TENM3: variants seen among roughly 807,000 people sequenced by gnomAD.
The protein encoded by TENM3 is teneurin-3.
Under a neutral mutation model 255.1 loss-of-function variants are expected in TENM3, and 63 were observed. That is an observed-to-expected ratio of 0.25 (90% CI 0.20 to 0.30). The LOEUF is 0.30. TENM3 is among the 10% of genes least tolerant of loss of function. The pLI is 1.00. For missense variants in TENM3, 2,929 were observed against 3,461.1 expected, an observed-to-expected ratio of 0.85 and a Z score of 3.86; for synonymous variants, 1,306 against 1,322.3, an observed-to-expected ratio of 0.99 and a Z score of 0.27.
At chr4:181,667,161 A>C in the TENM3 span, among the ~76,000 whole-genome samples, 1 of 152,132 alleles carries the variant, frequency 6.6e-6, no homozygotes, top group African/African-American at 2.4e-5. Context: ...AAGTCCCACT[A>C]CACAAAATGC....
intron 3 of TENM3, among the ~76,000 whole-genome samples, chr4:182,442,440 C>T (rs911168833): frequency 6.6e-6 from 1 of 152,164 alleles, no homozygotes; most frequent in African/African-American, 2.4e-5. Flanking sequence ...CGGCTATTGC[C>T]ACTATAGACA....
the TENM3 span, among the ~76,000 whole-genome samples, chr4:181,557,993 T>C: frequency 6.6e-6 from 1 of 152,254 alleles, no homozygotes; most frequent in Non-Finnish European, 1.5e-5. Context: ...TGATTGCTGA[T>C]GCCAAAGTAT....
intron 7 of TENM3, among the ~76,000 whole-genome samples, chr4:182,678,500 G>A (rs890217752): frequency 7.2e-5 from 11 of 152,158 alleles, no homozygotes; most frequent in African/African-American, 2.7e-4. Flanking sequence ...CGTTCTCCAT[G>A]GTGCTTGAGA....
intron 8 of TENM3, 149 bp downstream of exon 8, chr4:182,680,025 G>A (rs1379276556): frequency 1.3e-6 from 1 of 791,690 alleles, no homozygotes; most frequent in Non-Finnish European, 2.0e-6. Flanking sequence ...CCTTTATTTG[G>A]GAATATGTGA....
At chr4:182,221,458 G>A (rs2149963228) in intron 1 of TENM3, among the ~76,000 whole-genome samples, 1 of 152,298 alleles carries the variant, frequency 6.6e-6, no homozygotes, top group African/African-American at 2.4e-5. Context: ...ATCTCGTGGT[G>A]GGCCACATGG....
At chr4:182,410,012 A>T (rs1473810448) in intron 3 of TENM3, among the ~76,000 whole-genome samples, 2 of 151,978 alleles carry the variant, frequency 1.3e-5, no homozygotes, top group African/African-American at 4.8e-5. Flanking sequence ...TTTCTGGTAG[A>T]GAAGGGGTTT....
intron 1 of TENM3, among the ~76,000 whole-genome samples, chr4:182,253,596 T>C (rs980912096): frequency 1.3e-5 from 2 of 152,224 alleles, no homozygotes; most frequent in Admixed American, 6.5e-5. Flanking sequence ...TAGATAAATG[T>C]TTTCTTTGAT....
At chr4:181,935,328 C>T in the TENM3 span, among the ~76,000 whole-genome samples, 3 of 152,288 alleles carry the variant, frequency 2.0e-5, no homozygotes, top group South Asian at 2.1e-4. Context: ...ATGTGAAGAA[C>T]GTAATCGTTT....
intron 3 of TENM3, among the ~76,000 whole-genome samples, chr4:182,418,585 G>A (rs891758476): frequency 1.3e-5 from 2 of 151,800 alleles, no homozygotes; most frequent in Non-Finnish European, 2.9e-5. Context: ...TTTTTGAGAC[G>A]GGCCTCACCC....
At chr4:182,418,455 G>T (rs1242810643) in intron 3 of TENM3, among the ~76,000 whole-genome samples, 8 of 152,192 alleles carry the variant, frequency 5.3e-5, no homozygotes, top group Non-Finnish European at 1.2e-4. Flanking sequence ...CTGCATGATT[G>T]TTGGGGGGTG....
intron 1 of TENM3, among the ~76,000 whole-genome samples, chr4:182,275,588 G>T (rs542959544): frequency 2.4e-4 from 36 of 152,198 alleles, no homozygotes; most frequent in African/African-American, 7.5e-4. Flanking sequence ...TAATGGAGAA[G>T]TGAACAGATA....
chr4:182,505,235 A>AT (rs1052445926), intron 3 of TENM3, among the ~76,000 whole-genome samples: 3 of 151,974 alleles, frequency 2.0e-5, no homozygotes, highest in African/African-American at 4.8e-5. Flanking sequence ...ATACCCTAGC[A>AT]TTTTTTTACT....
chr4:182,788,046 T>C lies in TENM3; in HGVS notation c.5305-1047T>C, dbSNP rs572411161. 3.1e-4 allele frequency among the ~76,000 whole-genome samples: 47 copies of C among 152,230 alleles called. 1 individual carries two copies. Among genetic ancestry groups the C allele is most frequent in the Admixed American group, 3.0e-3 (46 of 15,278 alleles). ...ACATATATTTATATATAAACGTGAGTGGTTGTGTGTGTGTGTAAAATTGGT... is the reference window on the plus strand; with the variant it reads ...ACATATATTTATATATAAACGTGAGCGGTTGTGTGTGTGTGTAAAATTGGT... On this transcript the variant is annotated intron_variant, in intron 24 of 27. Coordinates refer to ENST00000511685, the MANE Select transcript of TENM3 (RefSeq NM_001080477.4).
chr4:181,873,208 C>T, the TENM3 span, among the ~76,000 whole-genome samples: 5 of 152,076 alleles, frequency 3.3e-5, no homozygotes, highest in South Asian at 2.1e-4. Context: ...GCTGAGATTA[C>T]GGAGGCATGC....
chr4:182,626,975 T>C (rs1750877617), intron 4 of TENM3, among the ~76,000 whole-genome samples: 2 of 152,156 alleles, frequency 1.3e-5, no homozygotes. Context: ...TAGGAAATGA[T>C]AGACCAGGGA....
intron 3 of TENM3, among the ~76,000 whole-genome samples, chr4:182,424,640 A>C (rs919024306): frequency 6.6e-6 from 1 of 152,166 alleles, no homozygotes; most frequent in African/African-American, 2.4e-5. Context: ...AAAATCATAC[A>C]ATCTGCCTAA....
intron 3 of TENM3, among the ~76,000 whole-genome samples, chr4:182,374,115 A>C (rs540316753): frequency 1.5e-4 from 23 of 152,170 alleles, no homozygotes; most frequent in Non-Finnish European, 3.2e-4. Context: ...CTTTACTCAC[A>C]TGCTTTGTGT....
the TENM3 span, among the ~76,000 whole-genome samples, chr4:181,901,728 C>T: frequency 1.1e-4 from 16 of 152,288 alleles, no homozygotes; most frequent in Non-Finnish European, 1.8e-4. Context: ...AATTTCACCA[C>T]AATGTTTTCC....
At chr4:181,848,170 G>A in the TENM3 span, among the ~76,000 whole-genome samples, 39 of 152,090 alleles carry the variant, frequency 2.6e-4, 2 homozygotes, top group Non-Finnish European at 2.4e-4. Context: ...TAAAACTGAA[G>A]CGAATTAAGA....
Sources: allele counts gnomAD v4.1 joint callset (sites outside exome capture counted in the v4.1 genomes callset), GRCh38; gene constraint gnomAD v4.1.1; transcripts MANE v1.5; gene names NCBI Gene and HGNC (gene_info 2026-07-23, HGNC 2026-07-21).